The following PTPRD variants were observed in gnomAD, a reference collection of about 807,000 sequenced individuals.
PTPRD encodes the protein receptor-type tyrosine-protein phosphatase delta.
Under a neutral mutation model 214.5 loss-of-function variants are expected in PTPRD, and 34 were observed. The ratio of observed to expected loss-of-function variants is 0.16; its 90% CI spans 0.12 to 0.21. The LOEUF is 0.21. Ranked by LOEUF, PTPRD falls within the 10% of genes least tolerant of loss-of-function variation. PTPRD has a pLI of 1.00. For synonymous variants in PTPRD, 1,128 were observed against 845.7 expected, an observed-to-expected ratio of 1.33 and a Z score of -5.79; for missense variants, 2,545 against 2,398.7, an observed-to-expected ratio of 1.06 and a Z score of -1.27.
intron 11 of PTPRD, among the ~76,000 whole-genome samples, chr9:8,735,878 C>A (rs1196623280): frequency 7.0e-6 from 1 of 143,210 alleles, no homozygotes; most frequent in African/African-American, 2.6e-5. Flanking sequence ...TGCCACTGCA[C>A]TCCAGTCTGG....
rs1555449270 is a variant in PTPRD at position 9,472,205 on chromosome 9, TTC to T, written c.-236-74725_-236-74724del. ...TACTCCAATCTTTTTTTTTTTTTTT[TTC>T]TTTTTTTGAGACGGAGTCTTGCTCT... On this transcript the variant is annotated intron_variant, in intron 8 of 45. Transcript: ENST00000381196. Among the ~76,000 whole-genome samples the T allele has an allele frequency of 2.7e-3, 261 of 98,238 alleles. 20 individuals carry two copies. Among genetic ancestry groups the T allele is most frequent in the African/African-American group, 4.8e-3 (136 of 28,530 alleles). The allele number at this position is 98,238 out of a possible 152,430, so 64.4% of individuals were successfully genotyped here. A position where few individuals can be genotyped will look rare whatever the true frequency, so the allele number is the denominator to read the frequency against.
At chr9:8,520,407 C>A (rs569185223) in intron 20 of PTPRD, among the ~76,000 whole-genome samples, 3 of 152,012 alleles carry the variant, frequency 2.0e-5, no homozygotes, top group African/African-American at 7.2e-5. Context: ...CTAAGATCAC[C>A]CCCTAGAATG....
intron 14 of PTPRD, among the ~76,000 whole-genome samples, chr9:8,585,262 T>C (rs2093552124): frequency 6.6e-6 from 1 of 152,200 alleles, no homozygotes; most frequent in Non-Finnish European, 1.5e-5. Flanking sequence ...AGTAGACAGA[T>C]GCTTGAAGAT....
intron 5 of PTPRD, among the ~76,000 whole-genome samples, chr9:9,812,989 A>C: frequency 6.7e-6 from 1 of 148,478 alleles, no homozygotes; most frequent in African/African-American, 2.6e-5. Flanking sequence ...AGAAACTAGA[A>C]GTCTATAAGA....
rs1563730486 is a variant in PTPRD at position 8,485,565 on chromosome 9, T to C, written c.3055+197A>G. 4.7e-6 allele frequency: 3 copies of C among 637,500 alleles called. No individual in the cohort carries two copies. In the East Asian group the frequency reaches 8.2e-5, roughly 18 times the overall value. The allele number at this position is 637,500 out of a possible 1,614,324, so 39.5% of individuals were successfully genotyped here. A position where few individuals can be genotyped will look rare whatever the true frequency, so the allele number is the denominator to read the frequency against. ...CTTACCTGAGGACATTGGGGTGCTG[T>C]CAGCCAGACTTGCTTGACATTCTAT... On this transcript the variant is annotated intron_variant, in intron 28 of 45. Transcript: ENST00000381196.
chr9:9,920,520 C>T (rs1438938065), intron 5 of PTPRD, among the ~76,000 whole-genome samples: 3 of 152,042 alleles, frequency 2.0e-5, no homozygotes, highest in Non-Finnish European at 4.4e-5. Flanking sequence ...TGTTTTTGTC[C>T]TTGTGGTACT....
chr9:9,615,076 G>C (rs1239398569), intron 7 of PTPRD, among the ~76,000 whole-genome samples: 5 of 152,148 alleles, frequency 3.3e-5, no homozygotes, highest in Admixed American at 2.6e-4. Context: ...ATATCTAATA[G>C]ATAATGTCCC....
intron 3 of PTPRD, among the ~76,000 whole-genome samples, chr9:10,309,852 T>C (rs2096217410): frequency 6.6e-6 from 1 of 152,124 alleles, no homozygotes; most frequent in South Asian, 2.1e-4. Flanking sequence ...TTTTGCAGGC[T>C]ACGCAGTATT....
chr9:9,108,382 G>T (rs1397136460), intron 10 of PTPRD, among the ~76,000 whole-genome samples: 2 of 152,146 alleles, frequency 1.3e-5, no homozygotes, highest in Non-Finnish European at 2.9e-5. Context: ...AACATGAGCG[G>T]TTGCATTAGT....
chr9:8,600,399 G>A (rs1038770516), intron 14 of PTPRD, among the ~76,000 whole-genome samples: 1 of 152,124 alleles, frequency 6.6e-6, no homozygotes, highest in East Asian at 1.9e-4. Flanking sequence ...GTGGACTGGA[G>A]GGGCATGTAA....
intron 2 of PTPRD, among the ~76,000 whole-genome samples, chr9:10,466,576 T>C (rs906170787): frequency 2.2e-5 from 3 of 133,422 alleles, no homozygotes; most frequent in South Asian, 4.5e-4. Context: ...TGAGCCAAGA[T>C]TGTGCCATTG....
chr9:10,598,078 A>C (rs2077019551), intron 2 of PTPRD, among the ~76,000 whole-genome samples: 2 of 151,814 alleles, frequency 1.3e-5, no homozygotes, highest in African/African-American at 4.8e-5. Flanking sequence ...GGACAATTGC[A>C]CTGTGTATGG....
chr9:9,268,291 C>T (rs1042939537), intron 9 of PTPRD, among the ~76,000 whole-genome samples: 10 of 149,840 alleles, frequency 6.7e-5, no homozygotes, highest in South Asian at 6.3e-4. Context: ...AAAATACTTA[C>T]GAATTAATTT....
At chr9:8,678,612 T>C (rs1219759267) in intron 12 of PTPRD, among the ~76,000 whole-genome samples, 1 of 152,196 alleles carries the variant, frequency 6.6e-6, no homozygotes, top group African/African-American at 2.4e-5. Flanking sequence ...CCATATTTGC[T>C]TTCTATAGGA....
chr9:10,233,775 A>T, intron 3 of PTPRD, among the ~76,000 whole-genome samples: 1 of 151,976 alleles, frequency 6.6e-6, no homozygotes, highest in East Asian at 1.9e-4. Flanking sequence ...ATAACAGACA[A>T]CATAACGCCT....
intron 3 of PTPRD, among the ~76,000 whole-genome samples, chr9:10,291,135 G>T (rs117712208): frequency 6.6e-6 from 1 of 151,604 alleles, no homozygotes; most frequent in African/African-American, 2.4e-5. Flanking sequence ...TTCTGAGAAA[G>T]GTTTCTTCAG....
intron 8 of PTPRD, among the ~76,000 whole-genome samples, chr9:9,412,117 C>G (rs529490277): frequency 5.3e-5 from 8 of 152,228 alleles, no homozygotes; most frequent in African/African-American, 1.9e-4. Flanking sequence ...CAATTTTATC[C>G]CAAATCATAT....
chr9:9,013,745 C>A (rs62531062), intron 11 of PTPRD, among the ~76,000 whole-genome samples: 11,519 of 152,204 alleles, frequency 0.076, 553 homozygotes, highest in Admixed American at 0.13. Flanking sequence ...TTACGTATAA[C>A]AGGTATGGGG....
rs201049270 is a variant in PTPRD at position 8,330,570 on chromosome 9, G to A, written c.5534+1012C>T. 1.1e-4 allele frequency among the ~76,000 whole-genome samples: 5 copies of A among 47,468 alleles called. No homozygotes were observed. In the Admixed American group the frequency reaches 1.3e-3, roughly 12 times the overall value. The allele number at this position is 47,468 out of a possible 152,430, so 31.1% of individuals were successfully genotyped here. Reference sequence around the variant, plus strand: ...AGGATGTTTAATAACTCAATAGAAAGTAGAAAGCAAATGTACATAGATAAA... The same window carrying A: ...AGGATGTTTAATAACTCAATAGAAAATAGAAAGCAAATGTACATAGATAAA... On this transcript the variant is annotated intron_variant, in intron 44 of 45. Coordinates refer to ENST00000381196, the MANE Select transcript of PTPRD (RefSeq NM_002839.4).
Sources: gnomAD v4.1 joint callset for allele counts (sites outside exome capture counted in the v4.1 genomes callset) on GRCh38, gnomAD v4.1.1 for gene constraint, MANE v1.5 for transcripts, NCBI Gene and HGNC (gene_info 2026-07-23, HGNC 2026-07-21) for gene names.